The following KCTD6 variants were observed in gnomAD, a reference collection of about 807,000 sequenced individuals.
KCTD6 encodes potassium channel tetramerization domain containing 6.
A neutral mutation model predicts 18.7 loss-of-function variants in KCTD6; 6 were observed. That is an observed-to-expected ratio of 0.32 (90% CI 0.18 to 0.63). The LOEUF is 0.63. Among genes scored for constraint, KCTD6 ranks in the 30% least tolerant of loss-of-function variants. KCTD6 has a pLI of 0.79. For synonymous variants in KCTD6, 86 were observed against 108.5 expected (o/e 0.79, Z 1.29); for missense variants, 165 against 300.2 (o/e 0.55, Z 3.33).
At chr3:58,500,155 G>T (rs890334917) in intron 2 of KCTD6, among the ~76,000 whole-genome samples, 1 of 150,024 alleles carries the variant, frequency 6.7e-6, no homozygotes, top group African/African-American at 2.5e-5. Context: ...TCTCTGTGTC[G>T]CCCAGGCTGA....
rs1275404862 is a variant in KCTD6, at chr3:58,498,027, G to C, written c.-43-686G>C. On this transcript the variant is annotated intron_variant, in intron 1 of 2. Coordinates refer to ENST00000404589, the MANE Select transcript of KCTD6 (RefSeq NM_001128214.2). This position sits in a 1 kb window ranked among gnomAD's most constrained non-coding sequence, Gnocchi z 4.6. Reference sequence around the variant, plus strand: ...GATGGAGTCTCGCACTGTTGCAGGGGCTGGTGTGCAGTGGCACAGTCTCGG... The same window carrying C: ...GATGGAGTCTCGCACTGTTGCAGGGCCTGGTGTGCAGTGGCACAGTCTCGG... 1 of 150,326 alleles carries C rather than the reference G, an allele frequency of 6.7e-6. No homozygotes were observed. The highest frequency in any genetic ancestry group is 1.5e-5 in the Non-Finnish European group (1 of 67,784). 9.3% of individuals were successfully genotyped at this position (150,326 alleles called of 1,614,324 possible). A position where few individuals can be genotyped will look rare whatever the true frequency, so the allele number is the denominator to read the frequency against.
chr3:58,501,705 A>G lies in KCTD6; in HGVS notation c.*73A>G. 1 of 1,008,548 alleles carries G rather than the reference A, an allele frequency of 9.9e-7. No individual in the cohort carries two copies. The highest frequency in any genetic ancestry group is 4.9e-5 in the South Asian group (1 of 20,210). 62.5% of individuals were successfully genotyped at this position (1,008,548 alleles called of 1,614,324 possible). A position where few individuals can be genotyped will look rare whatever the true frequency, so the allele number is the denominator to read the frequency against. On this transcript the variant is annotated 3_prime_UTR_variant, in exon 3 of 3. Coordinates refer to ENST00000404589, the MANE Select transcript of KCTD6 (RefSeq NM_001128214.2). The surrounding 1 kb of genome is among the most constrained non-coding windows in gnomAD (Gnocchi z 9.7). ...AGATACTGATTTTTTTTTTTAAATC[A>G]CAGTGTGAGATATTTTTTTTCTTTT...
In KCTD6 at chr3:58,498,899, C is replaced by T; in HGVS notation, c.27+117C>T. The stretch of plus-strand genomic sequence containing the variant: ...AAAAGAAAATTGTGAATTTGTGTAA[C>T]CTCTCTTCCCCCTTTTACTTAGTTT... On this transcript the variant is annotated intron_variant, in intron 2 of 2. Transcript: ENST00000404589. This position sits in a 1 kb window ranked among gnomAD's most constrained non-coding sequence, Gnocchi z 4.6. The T allele has an allele frequency of 1.3e-6, 1 of 780,592 alleles. No individual in the cohort carries two copies. The highest frequency in any genetic ancestry group is 2.1e-6 in the Non-Finnish European group (1 of 475,002). 48.4% of individuals were successfully genotyped at this position (780,592 alleles called of 1,614,324 possible).
In KCTD6 at chr3:58,498,966, T is replaced by A. The variant is rs987056340; in HGVS notation, c.27+184T>A. On this transcript the variant is annotated intron_variant, in intron 2 of 2. Transcript: ENST00000404589. This position sits in a 1 kb window ranked among gnomAD's most constrained non-coding sequence, Gnocchi z 4.6. ...CGTTTTTGTCTTGTGTGGTGTTTTT[T>A]AAATTTTTATTTAATTTTTTTTATG... Among the ~76,000 whole-genome samples the A allele has an allele frequency of 7.2e-5, 11 of 152,196 alleles. No homozygotes were observed. The highest frequency in any genetic ancestry group is 4.6e-4 in the Admixed American group (7 of 15,280).
In KCTD6 at chr3:58,493,793, C is replaced by T. The variant is rs1443795997; in HGVS notation, c.-44+1624C>T. 2.6e-5 allele frequency: 4 copies of T among 152,158 alleles called. No individual in the cohort carries two copies. Among genetic ancestry groups the T allele is most frequent in the African/African-American group, 9.7e-5 (4 of 41,442 alleles). 9.4% of individuals were successfully genotyped at this position (152,158 alleles called of 1,614,324 possible). A position where few individuals can be genotyped will look rare whatever the true frequency, so the allele number is the denominator to read the frequency against. ...TGTTTTCACATTTGTCTAATACTTG[C>T]TAGTTTACAGATGGTTTTATATTCA... On this transcript the variant is annotated intron_variant, in intron 1 of 2. Coordinates refer to ENST00000404589, the MANE Select transcript of KCTD6 (RefSeq NM_001128214.2). The surrounding 1 kb of genome is among the most constrained non-coding windows in gnomAD (Gnocchi z 4.5).
At chr3:58,494,673 G>A (rs993680233) in intron 1 of KCTD6, among the ~76,000 whole-genome samples, 3 of 152,180 alleles carry the variant, frequency 2.0e-5, no homozygotes, top group Non-Finnish European at 4.4e-5. Flanking sequence ...CATTAGGCCT[G>A]TAATTGCAAT....
chr3:58,495,907 A>T (rs1296695021), intron 1 of KCTD6, among the ~76,000 whole-genome samples: 1 of 149,860 alleles, frequency 6.7e-6, no homozygotes. Context: ...ACTGCTCAAG[A>T]AGTTACCTTG....
chr3:58,501,257 C>T lies in KCTD6; in HGVS notation c.339C>T (p.Pro113=), dbSNP rs142902480. The T allele has an allele frequency of 3.1e-6, 5 of 1,614,028 alleles. No individual in the cohort carries two copies. In the South Asian group the frequency reaches 3.3e-5, roughly 11 times the overall value. ...QCLNDPKPLY[P]MDTFEEVVEL... Reference sequence around the variant, plus strand: ...TCAATGATCCTAAGCCTTTGTATCCCATGGATACTTTTGAAGAAGTTGTGG... The same window carrying T: ...TCAATGATCCTAAGCCTTTGTATCCTATGGATACTTTTGAAGAAGTTGTGG... The change falls in exon 3 of 3, where the codon CCC becomes CCT. Residue 113 remains proline, a synonymous_variant. Coordinates refer to ENST00000404589, the MANE Select transcript of KCTD6 (RefSeq NM_001128214.2). This position sits in a 1 kb window ranked among gnomAD's most constrained non-coding sequence, Gnocchi z 9.7.
At position 58,492,605 on chromosome 3, in the gene KCTD6, A is replaced by G. The variant is rs959062354; in HGVS notation, c.-44+436A>G. 1.3e-5 allele frequency among the ~76,000 whole-genome samples: 2 copies of G among 152,282 alleles called. No individual in the cohort carries two copies. The highest frequency in any genetic ancestry group is 3.9e-4 in the East Asian group (2 of 5,182). On this transcript the variant is annotated intron_variant, in intron 1 of 2. Coordinates refer to ENST00000404589, the MANE Select transcript of KCTD6 (RefSeq NM_001128214.2). This position sits in a 1 kb window ranked among gnomAD's most constrained non-coding sequence, Gnocchi z 6.1. Reference sequence around the variant, plus strand: ...TTTTGGGAGATGGCGCTTATTAGCCACCAATTGCCCTAGTTTAAAGCTTGA... The same window carrying G: ...TTTTGGGAGATGGCGCTTATTAGCCGCCAATTGCCCTAGTTTAAAGCTTGA...
Position 58,498,912 on chromosome 3 carries a change from T to G in KCTD6, c.27+130T>G, listed in dbSNP as rs1166751341. 1.4e-6 allele frequency: 1 copy of G among 702,656 alleles called. No homozygotes were observed. Among genetic ancestry groups the G allele is most frequent in the Non-Finnish European group, 2.4e-6 (1 of 418,274 alleles). 43.5% of individuals were successfully genotyped at this position (702,656 alleles called of 1,614,324 possible). A position where few individuals can be genotyped will look rare whatever the true frequency, so the allele number is the denominator to read the frequency against. On this transcript the variant is annotated intron_variant, in intron 2 of 2. Coordinates refer to ENST00000404589, the MANE Select transcript of KCTD6 (RefSeq NM_001128214.2). This position sits in a 1 kb window ranked among gnomAD's most constrained non-coding sequence, Gnocchi z 4.6. The stretch of plus-strand genomic sequence containing the variant: ...GAATTTGTGTAACCTCTCTTCCCCC[T>G]TTTACTTAGTTTAGATGTATTTTGG...
chr3:58,498,603 G>C lies in KCTD6; in HGVS notation c.-43-110G>C. 1 of 693,432 alleles carries C rather than the reference G, an allele frequency of 1.4e-6. No individual in the cohort carries two copies. Among genetic ancestry groups the C allele is most frequent in the Non-Finnish European group, 2.6e-6 (1 of 388,718 alleles). 43.0% of individuals were successfully genotyped at this position (693,432 alleles called of 1,614,324 possible). On this transcript the variant is annotated intron_variant, in intron 1 of 2. Transcript: ENST00000404589. This position sits in a 1 kb window ranked among gnomAD's most constrained non-coding sequence, Gnocchi z 4.6. The stretch of plus-strand genomic sequence containing the variant: ...CTGTAGTAGGTTTCAGCTGAGCAAG[G>C]ACGAGTAGTTTTTCTGGTGTTTGGC...
In KCTD6 at chr3:58,498,460, C is replaced by T. The variant is rs923394263; in HGVS notation, c.-43-253C>T. 6 of 370,598 alleles carry T rather than the reference C, an allele frequency of 1.6e-5. No homozygotes were observed. Among genetic ancestry groups the T allele is most frequent in the Non-Finnish European group, 2.4e-5 (5 of 210,334 alleles). The allele number at this position is 370,598 out of a possible 1,614,324, so 23.0% of individuals were successfully genotyped here. A position where few individuals can be genotyped will look rare whatever the true frequency, so the allele number is the denominator to read the frequency against. ...AGACTCTTCCTCCTTCTCTTAAGTA[C>T]AGTATAGTTCTTTCTCTGAAAATCT... On this transcript the variant is annotated intron_variant, in intron 1 of 2. Transcript: ENST00000404589. This position sits in a 1 kb window ranked among gnomAD's most constrained non-coding sequence, Gnocchi z 4.6.
downstream of KCTD6, chr3:58,502,360 A>G (rs2063208669): frequency 6.6e-6 from 1 of 152,478 alleles, no homozygotes; most frequent in Admixed American, 6.5e-5. Context: ...ATGAAAATTA[A>G]GTTTGTATTT....
Position 58,501,237 on chromosome 3 carries a change from G to C in KCTD6, c.319G>C (p.Asp107His), listed in dbSNP as rs1210945055. The C allele has an allele frequency of 6.2e-7, 1 of 1,614,168 alleles. No homozygotes were observed. The highest frequency in any genetic ancestry group is 1.1e-5 in the South Asian group (1 of 91,074). The change falls in exon 3 of 3, where the codon GAT becomes CAT. Residue 107 changes from aspartate (D) to histidine (H), a missense_variant. Asp to His is a moderately conservative substitution (Grantham distance 81). Coordinates refer to ENST00000404589, the MANE Select transcript of KCTD6 (RefSeq NM_001128214.2). This position sits in a 1 kb window ranked among gnomAD's most constrained non-coding sequence, Gnocchi z 9.7. The part of the protein sequence containing the change: ...QIEPLIQCLN[D>H]PKPLYPMDTF... ...TGAGCCCTTGATTCAGTGTCTCAATGATCCTAAGCCTTTGTATCCCATGGA... is the reference window on the plus strand; with the variant it reads ...TGAGCCCTTGATTCAGTGTCTCAATCATCCTAAGCCTTTGTATCCCATGGA...
chr3:58,499,677 G>A (rs1576979973), intron 2 of KCTD6, among the ~76,000 whole-genome samples: 1 of 151,198 alleles, frequency 6.6e-6, no homozygotes, highest in South Asian at 2.1e-4. Flanking sequence ...TAGCTGAGAC[G>A]ATAGGTGGGC....
rs1036329049 is a variant in KCTD6, at chr3:58,493,428, G to C, written c.-44+1259G>C. 3.3e-5 allele frequency among the ~76,000 whole-genome samples: 5 copies of C among 152,216 alleles called. No homozygotes were observed. Among genetic ancestry groups the C allele is most frequent in the Non-Finnish European group, 7.3e-5 (5 of 68,036 alleles). ...CCCTATGAATCCTTCAGTGCGCTTG[G>C]ATTTTGATATTTGGGGTCCATTTAA... On this transcript the variant is annotated intron_variant, in intron 1 of 2. Coordinates refer to ENST00000404589, the MANE Select transcript of KCTD6 (RefSeq NM_001128214.2). This position sits in a 1 kb window ranked among gnomAD's most constrained non-coding sequence, Gnocchi z 4.5.
chr3:58,495,563 T>A (rs1470797719), intron 1 of KCTD6, among the ~76,000 whole-genome samples: 1 of 152,230 alleles, frequency 6.6e-6, no homozygotes, highest in African/African-American at 2.4e-5. Flanking sequence ...ACAGAAGATA[T>A]TTAGAAGCAG....
intron 2 of KCTD6, among the ~76,000 whole-genome samples, chr3:58,499,790 T>G (rs1305533709): frequency 6.6e-6 from 1 of 152,090 alleles, no homozygotes; most frequent in Non-Finnish European, 1.5e-5. Context: ...TCCACCCTCC[T>G]TGGCCTCCCA....
chr3:58,501,499 T>A lies in KCTD6; in HGVS notation c.581T>A (p.Leu194Gln). ...YHQEVSLRVH[L>Q]MEYITKQGFT... The stretch of plus-strand genomic sequence containing the variant: ...CAGGAAGTTTCTCTTAGGGTCCACC[T>A]GATGGAATACATTACAAAACAAGGT... Residue 194 changes from leucine to glutamine, a missense_variant, in exon 3 of 3, where the codon CTG becomes CAG. Around this residue, in one of 2 missense-constraint regions of KCTD6, gnomAD observed 106 missense variants for 230.4 expected, o/e 0.46. Coordinates refer to ENST00000404589, the MANE Select transcript of KCTD6 (RefSeq NM_001128214.2). The surrounding 1 kb of genome is among the most constrained non-coding windows in gnomAD (Gnocchi z 9.7). 1 of 1,511,472 alleles carries A rather than the reference T, an allele frequency of 6.6e-7. No homozygotes were observed. The highest frequency in any genetic ancestry group is 8.8e-7 in the Non-Finnish European group (1 of 1,133,080). The allele number at this position is 1,511,472 out of a possible 1,614,324, so 93.6% of individuals were successfully genotyped here. A position where few individuals can be genotyped will look rare whatever the true frequency, so the allele number is the denominator to read the frequency against.
Sources: gnomAD v4.1 joint callset for allele counts (sites outside exome capture counted in the v4.1 genomes callset) on GRCh38, gnomAD v4.1.1 for gene constraint, gnomAD v4.1.1 regional missense constraint, Gnocchi (gnomAD v3.1) non-coding constraint, MANE v1.5 for transcripts, NCBI Gene and HGNC (gene_info 2026-07-23, HGNC 2026-07-21) for gene names.